Variants in MAD1L1 observed in about 807,000 individuals in gnomAD.
MAD1L1 encodes the protein mitotic spindle assembly checkpoint protein MAD1.
MAD1L1 carries 95 observed loss-of-function variants against 96.9 expected under a neutral mutation model. That is an observed-to-expected ratio of 0.98 (90% confidence interval 0.83 to 1.16). The LOEUF (loss-of-function observed/expected upper bound fraction) is 1.16. Ranked by LOEUF, MAD1L1 falls within the 50% of genes most tolerant of loss-of-function variation. The pLI is 0.00. For synonymous variants in MAD1L1, 473 were observed against 396.6 expected, an observed-to-expected ratio of 1.19 and a Z score of -2.29; for missense variants, 1,007 against 954.4, an observed-to-expected ratio of 1.06 and a Z score of -0.73.
rs552912122 is a variant in MAD1L1, at chr7:1,923,640, G to A, written c.1807+13047C>T. ...GCCCTGTTCCAACGCTGTGGCTGGCGTTGGCCGTGAAGGCGGCTGTGGCCG... is the reference window on the plus strand; with the variant it reads ...GCCCTGTTCCAACGCTGTGGCTGGCATTGGCCGTGAAGGCGGCTGTGGCCG... On this transcript the variant is annotated intron_variant, in intron 17 of 18. Coordinates refer to ENST00000265854, the MANE Select transcript of MAD1L1 (RefSeq NM_001013836.2). Among the ~76,000 whole-genome samples the A allele has an allele frequency of 1.9e-3, 291 of 152,396 alleles. 1 individual carries two copies. The highest frequency in any genetic ancestry group is 3.9e-3 in the Non-Finnish European group (265 of 68,044).
At chr7:1,884,597 C>T (rs73046392) in intron 18 of MAD1L1, among the ~76,000 whole-genome samples, 4,955 of 152,348 alleles carry the variant, frequency 0.033, 185 homozygotes, top group Admixed American at 0.095. Context: ...ATTTCTGTTC[C>T]AAAATGTCAC....
chr7:2,007,343 C>T (rs566055894), intron 13 of MAD1L1, among the ~76,000 whole-genome samples: 11 of 152,344 alleles, frequency 7.2e-5, no homozygotes, highest in South Asian at 6.2e-4. Flanking sequence ...CACTGGACCC[C>T]GCGTGTTGCC....
intron 17 of MAD1L1, among the ~76,000 whole-genome samples, chr7:1,901,458 G>T (rs566909476): frequency 1.3e-5 from 2 of 152,324 alleles, no homozygotes; most frequent in East Asian, 3.9e-4. Context: ...AGAGGCGACA[G>T]CCCTGTGCCC....
chr7:2,057,596 C>A (rs545862227), intron 12 of MAD1L1, among the ~76,000 whole-genome samples: 3 of 151,206 alleles, frequency 2.0e-5, no homozygotes, highest in African/African-American at 7.3e-5. Flanking sequence ...GTTTCTCCTT[C>A]TCAATCCCTT....
chr7:2,151,832 C>T lies in MAD1L1; in HGVS notation c.987-2594G>A, dbSNP rs202197546. ...GTGCTGGGCGCCCACAGATGGCACA[C>T]GCACCAGGCAGTCTCCTACGTCACC... On this transcript the variant is annotated intron_variant, in intron 10 of 18. Transcript: ENST00000265854. Among the ~76,000 whole-genome samples the T allele has an allele frequency of 4.6e-5, 7 of 152,346 alleles. 1 individual carries two copies. In the East Asian group the frequency reaches 5.8e-4, roughly 13 times the overall value.
At chr7:2,077,672 C>T (rs537276093) in intron 11 of MAD1L1, among the ~76,000 whole-genome samples, 3 of 152,352 alleles carry the variant, frequency 2.0e-5, no homozygotes, top group Admixed American at 6.5e-5. Flanking sequence ...AAAGCAGTGC[C>T]GTTCTGCAGG....
intron 18 of MAD1L1, among the ~76,000 whole-genome samples, chr7:1,877,536 T>C (rs939303213): frequency 1.3e-5 from 2 of 151,742 alleles, no homozygotes; most frequent in African/African-American, 4.8e-5. Flanking sequence ...AATGACAAGA[T>C]GGCAGATTTA....
At chr7:1,853,888 G>A (rs1022418873) in intron 18 of MAD1L1, among the ~76,000 whole-genome samples, 5 of 152,146 alleles carry the variant, frequency 3.3e-5, no homozygotes, top group Non-Finnish European at 5.9e-5. Flanking sequence ...GTGGACTCTC[G>A]GCCCTGTTAT....
In MAD1L1 at chr7:2,211,033, G is replaced by A. The variant is rs566616260; in HGVS notation, c.986+2179C>T. Reference sequence around the variant, plus strand: ...TGACACAGGTCTTACTGTTGGTGGCGGGGGGCAGGGGGAGCCTTGAATCCA... The same window carrying A: ...TGACACAGGTCTTACTGTTGGTGGCAGGGGGCAGGGGGAGCCTTGAATCCA... On this transcript the variant is annotated intron_variant, in intron 10 of 18. Coordinates refer to ENST00000265854, the MANE Select transcript of MAD1L1 (RefSeq NM_001013836.2). Among the ~76,000 whole-genome samples, 30 of 152,298 alleles carry A rather than the reference G, an allele frequency of 2.0e-4. 1 individual carries two copies. In the South Asian group the frequency reaches 2.5e-3, roughly 13 times the overall value.
intron 18 of MAD1L1, among the ~76,000 whole-genome samples, chr7:1,855,534 ACGGCCCGGGCC>A (rs879282792): frequency 1.8e-4 from 28 of 151,604 alleles, no homozygotes; most frequent in Non-Finnish European, 3.2e-4. Context: ...TCCAGAAAAC[ACGGCCCGGGCC>A]CAGCCCAGCC....
At chr7:2,010,842 G>A (rs1016310521) in intron 13 of MAD1L1, among the ~76,000 whole-genome samples, 3 of 152,128 alleles carry the variant, frequency 2.0e-5, no homozygotes, top group East Asian at 1.9e-4. Flanking sequence ...GCGCAGGGCC[G>A]GGCAAGCTTC....
intron 10 of MAD1L1, among the ~76,000 whole-genome samples, chr7:2,177,079 A>G (rs1412428866): frequency 6.6e-6 from 1 of 151,870 alleles, no homozygotes; most frequent in African/African-American, 2.4e-5. Context: ...ATGCCTTCAC[A>G]TTCCATAATA....
chr7:2,056,785 A>T (rs1784405353), intron 12 of MAD1L1, among the ~76,000 whole-genome samples: 1 of 152,202 alleles, frequency 6.6e-6, no homozygotes, highest in African/African-American at 2.4e-5. Context: ...AACCTACACA[A>T]GCGGCCGATC....
chr7:2,158,659 G>A (rs1789957316), intron 10 of MAD1L1, among the ~76,000 whole-genome samples: 1 of 152,200 alleles, frequency 6.6e-6, no homozygotes, highest in African/African-American at 2.4e-5. Context: ...AAGTCACAAG[G>A]GCAACAGGGC....
At chr7:2,163,406 C>T (rs1790262241) in intron 10 of MAD1L1, among the ~76,000 whole-genome samples, 1 of 152,192 alleles carries the variant, frequency 6.6e-6, no homozygotes, top group South Asian at 2.1e-4. Context: ...CAGAGTCTCA[C>T]TCTGTCGCCC....
At position 1,815,855 on chromosome 7, in the gene MAD1L1, A is replaced by G. The variant is rs1781765254; in HGVS notation, c.*215T>C. 1 of 543,680 alleles carries G rather than the reference A, an allele frequency of 1.8e-6. No homozygotes were observed. Among genetic ancestry groups the G allele is most frequent in the Admixed American group, 3.4e-5 (1 of 28,996 alleles). 33.7% of individuals were successfully genotyped at this position (543,680 alleles called of 1,614,324 possible). Reference sequence around the variant, plus strand: ...ACCCAGGCTGGTGGCCGACGCCCACACACCAGGCTCCGGGACGCATGGGGT... The same window carrying G: ...ACCCAGGCTGGTGGCCGACGCCCACGCACCAGGCTCCGGGACGCATGGGGT... On this transcript the variant is annotated 3_prime_UTR_variant, in exon 19 of 19. Transcript: ENST00000265854.
At chr7:1,884,122 T>C (rs1215058129) in intron 18 of MAD1L1, among the ~76,000 whole-genome samples, 3 of 152,176 alleles carry the variant, frequency 2.0e-5, no homozygotes, top group Non-Finnish European at 4.4e-5. Context: ...CAAGCCAGAG[T>C]TGGCGGCTGG....
At chr7:2,001,356 G>A (rs929773825) in intron 14 of MAD1L1, among the ~76,000 whole-genome samples, 1 of 152,266 alleles carries the variant, frequency 6.6e-6, no homozygotes, top group East Asian at 1.9e-4. Flanking sequence ...AGCATGGAGG[G>A]AACCTACACT....
chr7:1,860,604 G>A (rs942458391), intron 18 of MAD1L1, among the ~76,000 whole-genome samples: 4 of 152,170 alleles, frequency 2.6e-5, no homozygotes, highest in African/African-American at 9.7e-5. Flanking sequence ...TCTGGAAAAC[G>A]AAGCTGCCCA....
Sources: allele counts gnomAD v4.1 joint callset (sites outside exome capture counted in the v4.1 genomes callset), GRCh38; gene constraint gnomAD v4.1.1; transcripts MANE v1.5; gene names NCBI Gene and HGNC (gene_info 2026-07-23, HGNC 2026-07-21).